Variants in YY1AP1 observed in about 807,000 individuals in gnomAD.
YY1AP1 encodes YY1-associated protein 1.
A neutral mutation model predicts 39.9 loss-of-function variants in YY1AP1; 43 were observed. The ratio of observed to expected loss-of-function variants is 1.08; its 90% CI spans 0.84 to 1.39. YY1AP1 has a LOEUF of 1.39. Among genes scored for constraint, YY1AP1 ranks in the 40% most tolerant of loss-of-function variants. The probability of loss-of-function intolerance (pLI) is 0.00; values close to 1 mark genes in which losing one functional copy is unlikely to be tolerated. For synonymous variants in YY1AP1, 292 were observed against 331.3 expected (o/e 0.88, Z 1.29); for missense variants, 813 against 900.7 (o/e 0.90, Z 1.25).
intron 2 of YY1AP1, among the ~76,000 whole-genome samples, chr1:155,684,289 T>G (rs1396756681): frequency 6.6e-6 from 1 of 151,902 alleles, no homozygotes; most frequent in African/African-American, 2.4e-5. Context: ...CGAGACCTAA[T>G]CTCAATTAAA....
At chr1:155,673,401 A>G (rs1456918284) in intron 6 of YY1AP1, among the ~76,000 whole-genome samples, 1 of 152,192 alleles carries the variant, frequency 6.6e-6, no homozygotes, top group Non-Finnish European at 1.5e-5. Context: ...TGAATACAGT[A>G]AGAGATGAAG....
intron 2 of YY1AP1, among the ~76,000 whole-genome samples, chr1:155,684,851 G>A (rs561851858): frequency 6.6e-6 from 1 of 152,226 alleles, no homozygotes; most frequent in South Asian, 2.1e-4. Flanking sequence ...CTCCCAAAGT[G>A]CTAGGATTAC....
rs1056944972 is a variant in YY1AP1, at chr1:155,688,120, G to A, written c.-70C>T. The stretch of plus-strand genomic sequence containing the variant: ...GAGTACAGGGAAGTGAGGAAGAGGG[G>A]GTGGCCGCCAGGCTCCTCCGCTTCC... On this transcript the variant is annotated 5_prime_UTR_variant, in exon 2 of 11. Transcript: ENST00000355499. The A allele has an allele frequency of 1.2e-6, 2 of 1,611,426 alleles. No individual in the cohort carries two copies. Among genetic ancestry groups the A allele is most frequent in the African/African-American group, 1.3e-5 (1 of 74,902 alleles).
intron 9 of YY1AP1, among the ~76,000 whole-genome samples, chr1:155,666,130 A>ATT (rs35092542): frequency 1.8e-4 from 27 of 147,930 alleles, no homozygotes; most frequent in Admixed American, 5.4e-4. Flanking sequence ...CTTAAAATCT[A>ATT]TTTTTTTTTT....
Position 155,660,646 on chromosome 1 carries a change from A to G in YY1AP1, c.1264T>C (p.Ser422Pro). ...CCAGGGTTGAAGCTGGGCTGGAGAG[A>G]GGGGCTGGGTTGGATAAGGAGGGGT... ...LKPLLIQPSP[S>P]LQPSFNPGKT... Residue 422 changes from serine (S) to proline (P), a missense_variant, in exon 11 of 11, where the codon TCT becomes CCT. Physicochemically the swap from Ser to Pro is moderately conservative, Grantham distance 74 (BLOSUM62 -1). This residue lies in a region of YY1AP1 where 586 missense variants were observed against 647.4 expected (regional missense o/e 0.91). Transcript: ENST00000355499. 6.2e-7 allele frequency: 1 copy of G among 1,613,992 alleles called. No individual in the cohort carries two copies. Among genetic ancestry groups the G allele is most frequent in the African/African-American group, 1.3e-5 (1 of 74,984 alleles).
At chr1:155,670,511 G>A (rs1649694820) in intron 7 of YY1AP1, 47 bp from the exon 8 acceptor site, 2 of 1,609,626 alleles carry the variant, frequency 1.2e-6, no homozygotes, top group East Asian at 4.5e-5. Flanking sequence ...GGAAAAAAGA[G>A]GGCTTCAAAA....
intron 9 of YY1AP1, among the ~76,000 whole-genome samples, chr1:155,667,953 AACACACACACAC>A (rs575258946): frequency 5.5e-5 from 8 of 144,852 alleles, no homozygotes; most frequent in East Asian, 2.0e-4. Context: ...GACACACACA[AACACACACACAC>A]ACACACACAC....
Position 155,668,641 on chromosome 1 carries a change from CAGG to C in YY1AP1, c.862_864del (p.Pro288del), listed in dbSNP as rs1353487669. On this transcript the variant is annotated inframe_deletion, in exon 9 of 11. Transcript: ENST00000355499. ...GAAACACTCACTTTAATGATGTTGT[CAGG>C]AGCTCTGTTCATGTTGAGGTTCTTG... 1 of 1,614,116 alleles carries C rather than the reference CAGG, an allele frequency of 6.2e-7. No homozygotes were observed. Among genetic ancestry groups the C allele is most frequent in the Non-Finnish European group, 8.5e-7 (1 of 1,180,010 alleles).
intron 8 of YY1AP1, among the ~76,000 whole-genome samples, chr1:155,669,940 A>T (rs61815359): frequency 6.6e-6 from 1 of 152,158 alleles, no homozygotes; most frequent in African/African-American, 2.4e-5. Flanking sequence ...CAGGAGGATC[A>T]CTTGATCCCA....
chr1:155,661,060 A>G (rs1432463266), intron 10 of YY1AP1, 147 bp from the exon 11 acceptor site: 3 of 1,489,628 alleles, frequency 2.0e-6, no homozygotes, highest in South Asian at 1.3e-5. Flanking sequence ...CCACAGTCCA[A>G]TTATACACTT....
Position 155,675,078 on chromosome 1 carries a change from G to C in YY1AP1, c.343C>G (p.Gln115Glu), listed in dbSNP as rs1002520281. The change falls in exon 6 of 11, where the codon CAA becomes GAA. Residue 115 changes from glutamine (Q) to glutamate (E), a missense_variant. Around this residue, in one of 3 missense-constraint regions of YY1AP1, gnomAD observed 196 missense variants for 189.7 expected, o/e 1.03. Transcript: ENST00000355499. Reference sequence around the variant, plus strand: ...TTGCAGGTGGCAAGAAGGTGGATTTGTGTCAAGAGCTGAACATGCTGGGGA... The same window carrying C: ...TTGCAGGTGGCAAGAAGGTGGATTTCTGTCAAGAGCTGAACATGCTGGGGA... ...QMQQHVQLLT[Q>E]IHLLATCNPN... The C allele has an allele frequency of 6.2e-6, 10 of 1,613,726 alleles. No individual in the cohort carries two copies. Among genetic ancestry groups the C allele is most frequent in the Non-Finnish European group, 7.6e-6 (9 of 1,179,774 alleles).
chr1:155,673,112 A>T (rs1650097196), intron 6 of YY1AP1, among the ~76,000 whole-genome samples: 1 of 152,172 alleles, frequency 6.6e-6, no homozygotes, highest in African/African-American at 2.4e-5. Context: ...TCCCCCTCCC[A>T]GGCTCAAGCC....
chr1:155,666,936 G>C (rs1455568796), intron 9 of YY1AP1, among the ~76,000 whole-genome samples: 1 of 152,162 alleles, frequency 6.6e-6, no homozygotes, highest in African/African-American at 2.4e-5. Context: ...GTAGGTGGAG[G>C]TTGCAGTGAG....
intron 10 of YY1AP1, 120 bp from the exon 11 acceptor site, chr1:155,661,033 T>C (rs1371823156): frequency 3.2e-6 from 5 of 1,540,402 alleles, no homozygotes; most frequent in African/African-American, 1.4e-5. Flanking sequence ...ACTCTGCATA[T>C]GAAATTTCTA....
rs1159876601 is a variant in YY1AP1 at position 155,668,674 on chromosome 1, T to G, written c.832A>C (p.Arg278=). 6.2e-7 allele frequency: 1 copy of G among 1,614,190 alleles called. No individual in the cohort carries two copies. The highest frequency in any genetic ancestry group is 1.3e-5 in the African/African-American group (1 of 75,054). The change falls in exon 9 of 11, where the codon AGA becomes CGA. Residue 278 remains arginine, a synonymous_variant. Transcript: ENST00000355499. ...TCKTARQLTV[R]IKNLNMNRAP... is the part of the protein sequence containing the mutation. ...CTGTTCATGTTGAGGTTCTTGATTC[T>G]CACTGTCAGTTGGCGGGCAGTCTTG...
intron 9 of YY1AP1, among the ~76,000 whole-genome samples, chr1:155,663,165 G>A (rs533344317): frequency 6.6e-6 from 1 of 152,146 alleles, no homozygotes; most frequent in African/African-American, 2.4e-5. Flanking sequence ...AAGGTCAGGA[G>A]ATCAAGACCA....
In YY1AP1 at chr1:155,659,729, G is replaced by A; in HGVS notation, c.2181C>T (p.Ser727=). 1 of 1,614,186 alleles carries A rather than the reference G, an allele frequency of 6.2e-7. No individual in the cohort carries two copies. The highest frequency in any genetic ancestry group is 8.5e-7 in the Non-Finnish European group (1 of 1,180,026). ...QGIQESLNNS[S]PGDLEEVVKM... is the part of the protein sequence containing the mutation. ...TGACAACTTCCTCTAAATCCCCAGGGGAAGAGTTGTTTAGAGACTCCTGGA... is the reference window on the plus strand; with the variant it reads ...TGACAACTTCCTCTAAATCCCCAGGAGAAGAGTTGTTTAGAGACTCCTGGA... The change falls in exon 11 of 11, where the codon TCC becomes TCT. Residue 727 remains serine, a synonymous_variant. Transcript: ENST00000355499.
Position 155,679,530 on chromosome 1 carries a change from G to A in YY1AP1, c.22-18C>T, listed in dbSNP as rs747506980. The A allele has an allele frequency of 1.2e-6, 2 of 1,614,056 alleles. No homozygotes were observed. Among genetic ancestry groups the A allele is most frequent in the Admixed American group, 1.7e-5 (1 of 60,016 alleles). Reference sequence around the variant, plus strand: ...TCTTGGAACTGTGGGCAAAGGAAAGGGAGGGTTTTCCTGGGGAATGGGCTT... The same window carrying A: ...TCTTGGAACTGTGGGCAAAGGAAAGAGAGGGTTTTCCTGGGGAATGGGCTT... On this transcript the variant is annotated intron_variant, in intron 3 of 10. Transcript: ENST00000355499.
At chr1:155,678,814 C>T (rs1464735902) in intron 4 of YY1AP1, among the ~76,000 whole-genome samples, 1 of 152,184 alleles carries the variant, frequency 6.6e-6, no homozygotes, top group African/African-American at 2.4e-5. Context: ...TGCATCCTGA[C>T]CTCTCGCCAT....
Sources: gnomAD v4.1 joint callset for allele counts (sites outside exome capture counted in the v4.1 genomes callset) on GRCh38, gnomAD v4.1.1 for gene constraint, gnomAD v4.1.1 regional missense constraint, MANE v1.5 for transcripts, NCBI Gene and HGNC (gene_info 2026-07-23, HGNC 2026-07-21) for gene names.